Variants in ZCCHC17 observed in about 807,000 individuals in gnomAD.
The protein encoded by ZCCHC17 is zinc finger CCHC domain-containing protein 17.
In ZCCHC17, 18 loss-of-function variants were observed where a neutral mutation model predicts 30.6. The observed-to-expected ratio is 0.59, with a 90% confidence interval of 0.41 to 0.87. The LOEUF is 0.87. Ranked by LOEUF, ZCCHC17 falls within the 40% of genes least tolerant of loss-of-function variation. The pLI is 0.00. For synonymous variants in ZCCHC17, 88 were observed against 92.4 expected, an observed-to-expected ratio of 0.95 and a Z score of 0.27; for missense variants, 263 against 284.2, an observed-to-expected ratio of 0.93 and a Z score of 0.54.
At chr1:31,342,029 A>C (rs1199015509) in intron 5 of ZCCHC17, among the ~76,000 whole-genome samples, 4 of 152,090 alleles carry the variant, frequency 2.6e-5, no homozygotes, top group Non-Finnish European at 5.9e-5. Flanking sequence ...ATTGTGCCTG[A>C]TGTATAGCAT....
intron 2 of ZCCHC17, among the ~76,000 whole-genome samples, chr1:31,314,574 G>C (rs574370341): frequency 6.6e-6 from 1 of 152,042 alleles, no homozygotes; most frequent in African/African-American, 2.4e-5. Context: ...TTAAGTAATC[G>C]CCTAGGGATT....
intron 1 of ZCCHC17, among the ~76,000 whole-genome samples, chr1:31,298,244 G>A (rs1333726071): frequency 6.6e-6 from 1 of 152,128 alleles, no homozygotes; most frequent in Non-Finnish European, 1.5e-5. Context: ...TTGATTTTAG[G>A]GAGTGAAGAG....
chr1:31,315,857 C>G (rs939500188), intron 2 of ZCCHC17, among the ~76,000 whole-genome samples: 1 of 152,144 alleles, frequency 6.6e-6, no homozygotes, highest in African/African-American at 2.4e-5. Flanking sequence ...TGATTGCACC[C>G]TAGGAGACAC....
chr1:31,323,611 G>A (rs1026716844), intron 3 of ZCCHC17, among the ~76,000 whole-genome samples: 2 of 152,250 alleles, frequency 1.3e-5, no homozygotes, highest in Non-Finnish European at 2.9e-5. Flanking sequence ...GTGAGCCACC[G>A]AGCCCGGCCT....
At chr1:31,330,903 G>A (rs1453659268) in intron 3 of ZCCHC17, among the ~76,000 whole-genome samples, 1 of 152,206 alleles carries the variant, frequency 6.6e-6, no homozygotes, top group African/African-American at 2.4e-5. Flanking sequence ...TAACAATGAA[G>A]TCTCTCCCAA....
In ZCCHC17 at chr1:31,309,993, T is replaced by A. The variant is rs1646559261; in HGVS notation, c.-55-51T>A. 3 of 1,051,924 alleles carry A rather than the reference T, an allele frequency of 2.9e-6. No individual in the cohort carries two copies. In the Admixed American group the frequency reaches 6.0e-5, roughly 21 times the overall value. The allele number at this position is 1,051,924 out of a possible 1,614,324, so 65.2% of individuals were successfully genotyped here. On this transcript the variant is annotated intron_variant, in intron 1 of 7. Coordinates refer to ENST00000344147, the MANE Select transcript of ZCCHC17 (RefSeq NM_016505.4). ...TAGCTGTGGATTGTCTGCATATTCATTTCTTTAATGCAGATATCTCTCTAA... is the reference window on the plus strand; with the variant it reads ...TAGCTGTGGATTGTCTGCATATTCAATTCTTTAATGCAGATATCTCTCTAA...
chr1:31,345,819 C>G (rs984378940), intron 5 of ZCCHC17, among the ~76,000 whole-genome samples: 1 of 151,398 alleles, frequency 6.6e-6, no homozygotes, highest in Non-Finnish European at 1.5e-5. Flanking sequence ...CATCAGATCT[C>G]ATGAGAACTC....
chr1:31,342,077 ACT>A (rs1004068973), intron 5 of ZCCHC17, among the ~76,000 whole-genome samples: 1 of 151,964 alleles, frequency 6.6e-6, no homozygotes. Flanking sequence ...ATGGAGTCTC[ACT>A]CTGTTACCCA....
At position 31,337,289 on chromosome 1, in the gene ZCCHC17, C is replaced by T. The variant is rs370278798; in HGVS notation, c.225+14C>T. On this transcript the variant is annotated intron_variant, in intron 4 of 7. Coordinates refer to ENST00000344147, the MANE Select transcript of ZCCHC17 (RefSeq NM_016505.4). Reference sequence around the variant, plus strand: ...ATTGGCCGAGAGGTAAAGTTCTGTGCGGCTCCCTTGTGGTTAGAAAGGATT... The same window carrying T: ...ATTGGCCGAGAGGTAAAGTTCTGTGTGGCTCCCTTGTGGTTAGAAAGGATT... 2.4e-4 allele frequency: 384 copies of T among 1,607,160 alleles called. No homozygotes were observed. The highest frequency in any genetic ancestry group is 3.1e-4 in the Non-Finnish European group (369 of 1,174,156).
chr1:31,334,947 G>A (rs1638754337), intron 3 of ZCCHC17, among the ~76,000 whole-genome samples: 1 of 152,150 alleles, frequency 6.6e-6, no homozygotes, highest in Non-Finnish European at 1.5e-5. Flanking sequence ...CTTAGGACAG[G>A]TTCCCAGAAG....
chr1:31,303,701 C>G (rs1012136367), intron 1 of ZCCHC17, among the ~76,000 whole-genome samples: 1 of 152,088 alleles, frequency 6.6e-6, no homozygotes. Context: ...GTACAGATAA[C>G]ATTTTTCTGA....
intron 3 of ZCCHC17, among the ~76,000 whole-genome samples, chr1:31,324,842 C>T (rs1409861412): frequency 6.6e-6 from 1 of 151,460 alleles, no homozygotes; most frequent in East Asian, 1.9e-4. Flanking sequence ...CAGACAGGCT[C>T]CTGGGTGGAA....
intron 2 of ZCCHC17, among the ~76,000 whole-genome samples, chr1:31,314,789 C>A (rs977920457): frequency 6.6e-6 from 1 of 152,090 alleles, no homozygotes; most frequent in African/African-American, 2.4e-5. Flanking sequence ...GCCTCAACCT[C>A]CTGAATAGCT....
At chr1:31,343,846 A>ATTTTT (rs71569979) in intron 5 of ZCCHC17, among the ~76,000 whole-genome samples, 9 of 80,744 alleles carry the variant, frequency 1.1e-4, no homozygotes, top group Admixed American at 4.0e-4. Context: ...TGCCCCACTA[A>ATTTTT]TTTTTTTTTT....
intron 3 of ZCCHC17, among the ~76,000 whole-genome samples, chr1:31,331,787 T>A (rs1399048487): frequency 1.3e-5 from 2 of 151,814 alleles, no homozygotes; most frequent in Non-Finnish European, 2.9e-5. Flanking sequence ...AATTTTTGTA[T>A]TTTTAGTAGA....
chr1:31,319,105 A>T lies in ZCCHC17; in HGVS notation c.67-4A>T, dbSNP rs202049474. The T allele has an allele frequency of 3.8e-4, 606 of 1,606,928 alleles. 1 individual carries two copies. Among genetic ancestry groups the T allele is most frequent in the Middle Eastern group, 6.6e-4 (4 of 6,032 alleles). On this transcript the variant is annotated splice_polypyrimidine_tract_variant and splice_region_variant and intron_variant, in intron 2 of 7. Transcript: ENST00000344147. ...ACATTGATTTTTTTCCCCCATCTTTATAGGTTGCTATGGTGACAGACTATG... is the reference window on the plus strand; with the variant it reads ...ACATTGATTTTTTTCCCCCATCTTTTTAGGTTGCTATGGTGACAGACTATG...
At chr1:31,334,344 TG>T (rs1372106629) in intron 3 of ZCCHC17, among the ~76,000 whole-genome samples, 1 of 22,162 alleles carries the variant, frequency 4.5e-5, no homozygotes, top group East Asian at 3.4e-3. Context: ...TCTCTGTGTG[TG>T]TGTGTGTGTG....
Position 31,317,451 on chromosome 1 carries a change from T to G in ZCCHC17, c.67-1658T>G, listed in dbSNP as rs117485621. 5.8e-3 allele frequency among the ~76,000 whole-genome samples: 882 copies of G among 152,326 alleles called. 71 individuals are homozygous for G. The East Asian group carries it at 0.14, about 25-fold the overall frequency. ...ATGTCCATTATGTGCTACATACCTA[T>G]GTCAGTCACTTTATGTACATCATTT... is the stretch of plus-strand genomic sequence containing the variant. On this transcript the variant is annotated intron_variant, in intron 2 of 7. Transcript: ENST00000344147.
At chr1:31,303,787 C>T (rs985956980) in intron 1 of ZCCHC17, among the ~76,000 whole-genome samples, 1 of 152,172 alleles carries the variant, frequency 6.6e-6, no homozygotes, top group African/African-American at 2.4e-5. Context: ...AGGACATTCT[C>T]CTCTATAGCC....
Sources: allele counts gnomAD v4.1 joint callset (sites outside exome capture counted in the v4.1 genomes callset), GRCh38; gene constraint gnomAD v4.1.1; transcripts MANE v1.5; gene names NCBI Gene and HGNC (gene_info 2026-07-23, HGNC 2026-07-21).